ZNF469: variants seen among roughly 807,000 people sequenced by gnomAD.
ZNF469 encodes zinc finger protein 469.
In ZNF469, 1 loss-of-function variant was observed where a neutral mutation model predicts 1.0. The ratio of observed to expected loss-of-function variants is 1.00; its 90% confidence interval spans 0.35 to 4.73. The LOEUF is 4.73. ZNF469 is among the 30% of genes most tolerant of loss of function. The probability of loss-of-function intolerance (pLI) is 0.16; values close to 1 mark genes in which losing one functional copy is unlikely to be tolerated. For missense variants in ZNF469, 6,100 were observed against 5,356.3 expected (o/e 1.14, Z -4.33); for synonymous variants, 2,703 against 2,363.4 (o/e 1.14, Z -4.17).
the ZNF469 span, among the ~76,000 whole-genome samples, chr16:88,275,792 G>C: frequency 6.6e-6 from 1 of 152,310 alleles, no homozygotes; most frequent in Non-Finnish European, 1.5e-5. Context: ...GCGTGGTCCT[G>C]ACTCTTGTTG....
chr16:88,210,795 C>T, the ZNF469 span, among the ~76,000 whole-genome samples: 1 of 152,202 alleles, frequency 6.6e-6, no homozygotes, highest in Non-Finnish European at 1.5e-5. Flanking sequence ...GTGTATCGGT[C>T]CCACACTTTT....
rs747285771 is a variant in ZNF469, at chr16:88,438,762, C to G, written c.11292C>G (p.Thr3764=). 1.3e-6 allele frequency: 2 copies of G among 1,550,096 alleles called. No individual in the cohort carries two copies. The highest frequency in any genetic ancestry group is 2.4e-5 in the South Asian group (2 of 84,042). ...SGQLQSETAT[T]PAKPSFPSRS... ...AGCTCCAGAGCGAGACAGCCACCAC[C>G]CCAGCCAAGCCCAGCTTCCCCAGCC... is the stretch of plus-strand genomic sequence containing the variant. Residue 3764 remains threonine, a synonymous_variant, in exon 3 of 3, where the codon ACC becomes ACG. Transcript: ENST00000565624.
At chr16:88,186,476 T>G in the ZNF469 span, among the ~76,000 whole-genome samples, 2 of 152,048 alleles carry the variant, frequency 1.3e-5, no homozygotes, top group African/African-American at 4.8e-5. Context: ...TCCCATCACG[T>G]GCCGGGAGCT....
In ZNF469 at chr16:88,436,378, G is replaced by A. The variant is rs1426809592; in HGVS notation, c.8908G>A (p.Gly2970Ser). 1 of 1,550,104 alleles carries A rather than the reference G, an allele frequency of 6.5e-7. No homozygotes were observed. Among genetic ancestry groups the A allele is most frequent in the East Asian group, 2.4e-5 (1 of 40,908 alleles). Residue 2970 changes from glycine to serine, a missense_variant, in exon 3 of 3, where the codon GGT (glycine) becomes AGT (serine). Gly to Ser is a moderately conservative substitution (Grantham distance 56). Coordinates refer to ENST00000565624, the MANE Select transcript of ZNF469 (RefSeq NM_001367624.2). Reference sequence around the variant, plus strand: ...GGCCCTGGAGCCCAGCAGGGAAGCTGGTGCAGAGAAGCTGCCCTCCCACTG... The same window carrying A: ...GGCCCTGGAGCCCAGCAGGGAAGCTAGTGCAGAGAAGCTGCCCTCCCACTG... ...LWALEPSREAGAEKLPSHCPE... is the reference protein window; with the variant it reads ...LWALEPSREASAEKLPSHCPE...
the ZNF469 span, among the ~76,000 whole-genome samples, chr16:88,164,163 T>A: frequency 1.3e-5 from 2 of 150,578 alleles, no homozygotes; most frequent in African/African-American, 4.9e-5. Flanking sequence ...GATAGATGAA[T>A]GTATGGATGG....
the ZNF469 span, among the ~76,000 whole-genome samples, chr16:88,187,161 C>T: frequency 6.6e-6 from 1 of 152,042 alleles, no homozygotes; most frequent in East Asian, 1.9e-4. Context: ...TCCAGCTCAC[C>T]TGGTGGGGGG....
chr16:88,109,726 G>A, the ZNF469 span, among the ~76,000 whole-genome samples: 1 of 151,350 alleles, frequency 6.6e-6, no homozygotes, highest in Non-Finnish European at 1.5e-5. Flanking sequence ...TCCGGGATCA[G>A]GAGGTGCTGA....
the ZNF469 span, among the ~76,000 whole-genome samples, chr16:88,105,222 C>CA: frequency 2.0e-5 from 3 of 151,128 alleles, no homozygotes; most frequent in African/African-American, 7.3e-5. Context: ...GACCCTGTCA[C>CA]AAAAAAGGAA....
At chr16:88,193,130 T>A in the ZNF469 span, among the ~76,000 whole-genome samples, 1 of 36,914 alleles carries the variant, frequency 2.7e-5, no homozygotes, top group Non-Finnish European at 5.4e-5. Flanking sequence ...GTGGTGGTGG[T>A]GATGGTGGTG....
the ZNF469 span, among the ~76,000 whole-genome samples, chr16:88,307,011 C>G: frequency 6.6e-6 from 1 of 152,226 alleles, no homozygotes; most frequent in Non-Finnish European, 1.5e-5. Context: ...CCTCCCCCTA[C>G]TTCTACCCCG....
chr16:88,378,926 C>T (rs1406584346), upstream of ZNF469, among the ~76,000 whole-genome samples: 1 of 152,204 alleles, frequency 6.6e-6, no homozygotes, highest in East Asian at 1.9e-4. Context: ...CTGGGGCAGG[C>T]GTGGGCCCAC....
At chr16:88,106,627 T>G in the ZNF469 span, among the ~76,000 whole-genome samples, 19 of 152,364 alleles carry the variant, frequency 1.2e-4, no homozygotes, top group African/African-American at 4.3e-4. Context: ...TCTGTGGTCT[T>G]GGCAGACACT....
chr16:88,336,502 A>AACG, the ZNF469 span, among the ~76,000 whole-genome samples: 6 of 123,634 alleles, frequency 4.9e-5, no homozygotes, highest in Non-Finnish European at 1.0e-4. Context: ...CATGAGACAC[A>AACG]TGCCAATACC....
the ZNF469 span, among the ~76,000 whole-genome samples, chr16:88,185,907 G>A: frequency 6.8e-6 from 1 of 146,034 alleles, no homozygotes; most frequent in African/African-American, 2.6e-5. Context: ...CAGACCCACA[G>A]ACACACACAT....
At chr16:88,301,447 C>A in the ZNF469 span, among the ~76,000 whole-genome samples, 1,052 of 152,348 alleles carry the variant, frequency 6.9e-3, 13 homozygotes, top group African/African-American at 0.024. Flanking sequence ...AGCCACCGCA[C>A]CCAGTGGCCA....
At position 88,433,139 on chromosome 16, in the gene ZNF469, G is replaced by A; in HGVS notation, c.5669G>A (p.Ser1890Asn). 6.5e-7 allele frequency: 1 copy of A among 1,550,290 alleles called. No homozygotes were observed. The highest frequency in any genetic ancestry group is 8.7e-7 in the Non-Finnish European group (1 of 1,146,914). The change falls in exon 3 of 3, where the codon AGC becomes AAC. Residue 1890 changes from serine (S) to asparagine (N), a missense_variant. Transcript: ENST00000565624. ...SPACVSNTHP[S>N]RRSQDPALSP... The stretch of plus-strand genomic sequence containing the variant: ...GCCTGTGTATCCAACACCCACCCTA[G>A]CAGGAGGTCCCAGGACCCAGCTTTG...
chr16:88,417,752 T>C (rs1048924281), intron 1 of ZNF469, among the ~76,000 whole-genome samples: 10 of 152,166 alleles, frequency 6.6e-5, no homozygotes, highest in African/African-American at 2.4e-4. Context: ...CATGCTACAG[T>C]TGCACCTCCA....
the ZNF469 span, among the ~76,000 whole-genome samples, chr16:88,121,538 C>G: frequency 8.5e-5 from 13 of 152,234 alleles, no homozygotes; most frequent in Non-Finnish European, 1.9e-4. Context: ...CCCTTGAAGT[C>G]TGGCTGTCAC....
At chr16:88,404,251 C>G (rs1482574390) in intron 1 of ZNF469, among the ~76,000 whole-genome samples, 1 of 152,224 alleles carries the variant, frequency 6.6e-6, no homozygotes, top group Non-Finnish European at 1.5e-5. Flanking sequence ...TGCCCCCATG[C>G]TTATTCTTGC....
Sources: allele counts gnomAD v4.1 joint callset (sites outside exome capture counted in the v4.1 genomes callset), GRCh38; gene constraint gnomAD v4.1.1; transcripts MANE v1.5; gene names NCBI Gene and HGNC (gene_info 2026-07-23, HGNC 2026-07-21).